Variants in SPOCK1 observed in about 807,000 individuals in gnomAD.
The protein encoded by SPOCK1 is SPARC (osteonectin), cwcv and kazal like domains proteoglycan 1, also known as testican-1.
Under a neutral mutation model 55.3 loss-of-function variants are expected in SPOCK1, and 23 were observed. The ratio of observed to expected loss-of-function variants is 0.42; its 90% CI spans 0.30 to 0.59. The LOEUF (loss-of-function observed/expected upper bound fraction) is 0.59, where lower values mean the gene tolerates loss of function less well. Among genes scored for constraint, SPOCK1 ranks in the 20% least tolerant of loss-of-function variants. The pLI, the probability that SPOCK1 is intolerant of heterozygous loss-of-function variation, is 0.22. For synonymous variants in SPOCK1, 226 were observed against 221.0 expected, an observed-to-expected ratio of 1.02 and a Z score of -0.20; for missense variants, 499 against 552.5, an observed-to-expected ratio of 0.90 and a Z score of 0.97.
chr5:137,048,850 T>C (rs1752148848), intron 6 of SPOCK1, among the ~76,000 whole-genome samples: 1 of 76,216 alleles, frequency 1.3e-5, no homozygotes, highest in Non-Finnish European at 2.6e-5. Context: ...TGACAAAATC[T>C]CTCAGCATTT....
chr5:137,420,888 C>G (rs9688083), intron 2 of SPOCK1, among the ~76,000 whole-genome samples: 152,103 of 152,278 alleles, frequency 1, 75,964 homozygotes, highest in Middle Eastern at 1. Flanking sequence ...ATTGTGATGT[C>G]AGGTTGTCAA....
rs750609373 is a variant in SPOCK1 at position 136,978,733 on chromosome 5, C to G, written c.1241G>C (p.Arg414Thr). 53 of 1,614,002 alleles carry G rather than the reference C, an allele frequency of 3.3e-5. No homozygotes were observed. In the Middle Eastern group the frequency reaches 4.9e-4, roughly 15 times the overall value. The change falls in exon 11 of 11, where the codon AGG becomes ACG. Residue 414 changes from arginine to threonine, a missense_variant. Coordinates refer to ENST00000394945, the MANE Select transcript of SPOCK1 (RefSeq NM_004598.4). ...LGPKDKEGKL[R>T]VHTRAVTEDD... ...CTCTGTCACGGCTCGGGTGTGCACC[C>G]TCAGCTTCCCCTCTTTGTCCTTTGG...
Position 137,498,444 on chromosome 5 carries a change from G to T in SPOCK1, c.115C>A (p.Leu39Ile). 6.2e-7 allele frequency: 1 copy of T among 1,611,142 alleles called. No individual in the cohort carries two copies. The change falls in exon 2 of 11, where the codon CTA (leucine) becomes ATA (isoleucine). Residue 39 changes from leucine (L) to isoleucine (I), a missense_variant. This residue lies in a region of SPOCK1 where 386 missense variants were observed against 400.6 expected (regional missense o/e 0.96). Coordinates refer to ENST00000394945, the MANE Select transcript of SPOCK1 (RefSeq NM_004598.4). ...GTGCTCAGCCACTGGTCATTGTCTA[G>T]GAAATTGCCGTGGTTGGGGCCCGCG... Reference protein sequence around the residue: ...GGAGPNHGNFLDNDQWLSTVS... With the variant: ...GGAGPNHGNFIDNDQWLSTVS...
At chr5:137,110,780 C>T (rs980824161) in intron 5 of SPOCK1, among the ~76,000 whole-genome samples, 1 of 152,078 alleles carries the variant, frequency 6.6e-6, no homozygotes, top group Non-Finnish European at 1.5e-5. Flanking sequence ...CTTTTATTCC[C>T]ATTATGTTAT....
chr5:137,243,400 C>T lies in SPOCK1; in HGVS notation c.232+23610G>A, dbSNP rs148614169. On this transcript the variant is annotated intron_variant, in intron 3 of 10. Transcript: ENST00000394945. ...CTATTTTTATGTGTTTTCAGTCTCA[C>T]TTTCCTAAGACCAAAGACATCATCG... 9.6e-3 allele frequency among the ~76,000 whole-genome samples: 1,458 copies of T among 152,228 alleles called. 26 individuals carry two copies. Among genetic ancestry groups the T allele is most frequent in the African/African-American group, 0.033 (1,380 of 41,520 alleles).
At chr5:137,014,107 T>C (rs1310893297) in intron 6 of SPOCK1, among the ~76,000 whole-genome samples, 8 of 152,192 alleles carry the variant, frequency 5.3e-5, no homozygotes, top group Middle Eastern at 3.2e-3. Context: ...CTTCATGATA[T>C]TGACTTCTTG....
intron 2 of SPOCK1, among the ~76,000 whole-genome samples, chr5:137,424,535 G>A (rs1451003567): frequency 4.6e-5 from 7 of 152,176 alleles, no homozygotes; most frequent in South Asian, 2.1e-4. Flanking sequence ...GAATGCTCAC[G>A]GCAAACAAAA....
At chr5:137,085,828 T>C (rs1170162052) in intron 5 of SPOCK1, among the ~76,000 whole-genome samples, 2 of 152,144 alleles carry the variant, frequency 1.3e-5, no homozygotes, top group Non-Finnish European at 2.9e-5. Flanking sequence ...GAAAGCTGTA[T>C]CTCACCATTG....
At chr5:137,459,241 G>A (rs1001480551) in intron 2 of SPOCK1, among the ~76,000 whole-genome samples, 5 of 152,170 alleles carry the variant, frequency 3.3e-5, no homozygotes. Context: ...CCTCAAGTCT[G>A]AGACAAAGAA....
intron 3 of SPOCK1, among the ~76,000 whole-genome samples, chr5:137,259,072 G>T (rs917514503): frequency 1.3e-5 from 2 of 152,102 alleles, no homozygotes; most frequent in African/African-American, 4.8e-5. Flanking sequence ...CTACTCCTTG[G>T]CCCTTTGCAA....
intron 2 of SPOCK1, among the ~76,000 whole-genome samples, chr5:137,413,561 T>G (rs1399376194): frequency 6.6e-6 from 1 of 152,234 alleles, no homozygotes; most frequent in Non-Finnish European, 1.5e-5. Flanking sequence ...CCACATCTAT[T>G]CCTTCACAGC....
At chr5:137,355,371 T>C (rs887664176) in intron 2 of SPOCK1, among the ~76,000 whole-genome samples, 4 of 152,190 alleles carry the variant, frequency 2.6e-5, no homozygotes, top group African/African-American at 9.7e-5. Context: ...TTATTTTTTG[T>C]AGAGGCAGGG....
chr5:137,340,646 C>T (rs1323567647), intron 2 of SPOCK1, among the ~76,000 whole-genome samples: 3 of 152,044 alleles, frequency 2.0e-5, no homozygotes, highest in Non-Finnish European at 2.9e-5. Flanking sequence ...TTTGGGAGGC[C>T]GAGGTGGGTG....
intron 2 of SPOCK1, among the ~76,000 whole-genome samples, chr5:137,377,568 T>C (rs1751345715): frequency 6.6e-6 from 1 of 152,222 alleles, no homozygotes; most frequent in Admixed American, 6.5e-5. Flanking sequence ...CAAGGAACAA[T>C]TTGTTCCTGT....
At chr5:137,122,662 G>A (rs1053386164) in intron 4 of SPOCK1, among the ~76,000 whole-genome samples, 5 of 152,194 alleles carry the variant, frequency 3.3e-5, no homozygotes, top group African/African-American at 1.2e-4. Context: ...ACTTCATTTG[G>A]TATCTCCTGC....
intron 2 of SPOCK1, among the ~76,000 whole-genome samples, chr5:137,304,480 A>G (rs762635846): frequency 6.6e-5 from 10 of 152,086 alleles, no homozygotes; most frequent in Non-Finnish European, 1.3e-4. Flanking sequence ...ATGTAAGCTG[A>G]GTTGTGCGGG....
chr5:137,168,746 T>C (rs1339025890), intron 3 of SPOCK1, among the ~76,000 whole-genome samples: 1 of 152,228 alleles, frequency 6.6e-6, no homozygotes, highest in South Asian at 2.1e-4. Flanking sequence ...CCTAGTATAC[T>C]GTTGGTAGGA....
chr5:137,392,211 C>T (rs1042941655), intron 2 of SPOCK1, among the ~76,000 whole-genome samples: 1 of 152,158 alleles, frequency 6.6e-6, no homozygotes, highest in Non-Finnish European at 1.5e-5. Flanking sequence ...TACCAGCCCT[C>T]CCTGCTGTTT....
chr5:137,079,341 C>G (rs1752831586), intron 5 of SPOCK1, among the ~76,000 whole-genome samples: 1 of 152,218 alleles, frequency 6.6e-6, no homozygotes, highest in Admixed American at 6.5e-5. Context: ...GATGGAGGGA[C>G]AGCCCCACCC....
Sources: allele counts gnomAD v4.1 joint callset (sites outside exome capture counted in the v4.1 genomes callset), GRCh38; gene constraint gnomAD v4.1.1; regional missense constraint gnomAD v4.1.1; transcripts MANE v1.5; gene names NCBI Gene and HGNC (gene_info 2026-07-23, HGNC 2026-07-21).